The following SUGCT variants were observed in gnomAD, a reference collection of about 807,000 sequenced individuals.
SUGCT encodes the protein succinyl-CoA:glutarate CoA-transferase.
In SUGCT, 41 loss-of-function variants were observed where a neutral mutation model predicts 55.0. The ratio of observed to expected loss-of-function variants is 0.74; its 90% CI spans 0.58 to 0.97. SUGCT has a LOEUF of 0.97. Ranked by LOEUF, SUGCT falls within the 50% of genes least tolerant of loss-of-function variation. SUGCT has a pLI of 0.00. For synonymous variants in SUGCT, 187 were observed against 200.4 expected (o/e 0.93, Z 0.56); for missense variants, 568 against 547.8 (o/e 1.04, Z -0.37).
At chr7:40,162,975 C>T (rs974378161) in intron 1 of SUGCT, among the ~76,000 whole-genome samples, 2 of 152,166 alleles carry the variant, frequency 1.3e-5, no homozygotes, top group African/African-American at 2.4e-5. Context: ...TTAGCCCAAT[C>T]TCAGTTGCTC....
chr7:40,386,608 A>G (rs921548881), intron 9 of SUGCT, among the ~76,000 whole-genome samples: 3 of 152,164 alleles, frequency 2.0e-5, no homozygotes, highest in South Asian at 4.1e-4. Flanking sequence ...ACTTTGATTC[A>G]TTGTGACAAC....
At chr7:40,693,371 T>C (rs1784779065) in intron 12 of SUGCT, among the ~76,000 whole-genome samples, 1 of 152,226 alleles carries the variant, frequency 6.6e-6, no homozygotes, top group East Asian at 1.9e-4. Context: ...CTAGAATTAA[T>C]AGCACACTTT....
At chr7:40,955,443 T>C in the SUGCT span, among the ~76,000 whole-genome samples, 1 of 152,218 alleles carries the variant, frequency 6.6e-6, no homozygotes, top group African/African-American at 2.4e-5. Flanking sequence ...TTTTCTGTTG[T>C]TGGTGTATAG....
the SUGCT span, among the ~76,000 whole-genome samples, chr7:41,008,305 C>A: frequency 9.2e-5 from 14 of 152,312 alleles, no homozygotes; most frequent in South Asian, 2.9e-3. Flanking sequence ...CTGAACGCAG[C>A]CTTGTCTGCC....
chr7:40,654,216 CTT>C (rs1231350086), intron 12 of SUGCT, among the ~76,000 whole-genome samples: 5 of 152,110 alleles, frequency 3.3e-5, no homozygotes, highest in African/African-American at 1.2e-4. Flanking sequence ...GAGAACTAGT[CTT>C]TTGCTGTTGT....
At chr7:40,960,959 T>A in the SUGCT span, among the ~76,000 whole-genome samples, 1 of 152,222 alleles carries the variant, frequency 6.6e-6, no homozygotes, top group East Asian at 1.9e-4. Flanking sequence ...GAAAAGCATT[T>A]ACTTACCACA....
intron 9 of SUGCT, among the ~76,000 whole-genome samples, chr7:40,440,115 A>G (rs1788422772): frequency 1.4e-5 from 2 of 147,152 alleles, no homozygotes; most frequent in Non-Finnish European, 1.5e-5. Context: ...TAATAAGCAA[A>G]TGAGTCAAGT....
chr7:40,686,349 A>G (rs1247125176), intron 12 of SUGCT, among the ~76,000 whole-genome samples: 2 of 152,228 alleles, frequency 1.3e-5, no homozygotes, highest in African/African-American at 4.8e-5. Context: ...GAGAATAGTA[A>G]TGGTACTTCT....
At chr7:41,026,713 C>A in the SUGCT span, among the ~76,000 whole-genome samples, 65 of 152,290 alleles carry the variant, frequency 4.3e-4, no homozygotes, top group African/African-American at 1.5e-3. Flanking sequence ...TTCAGACTTT[C>A]ATAGAAGCTG....
chr7:40,374,920 T>C (rs915305683), intron 9 of SUGCT, among the ~76,000 whole-genome samples: 7 of 152,152 alleles, frequency 4.6e-5, no homozygotes, highest in African/African-American at 7.2e-5. Flanking sequence ...ATGGATGCTA[T>C]CTGGCCCTCT....
chr7:40,615,730 T>C (rs549116054), intron 12 of SUGCT, among the ~76,000 whole-genome samples: 2 of 152,336 alleles, frequency 1.3e-5, no homozygotes, highest in African/African-American at 4.8e-5. Context: ...AAGGATCATT[T>C]AGGAGCAAAT....
intron 1 of SUGCT, among the ~76,000 whole-genome samples, chr7:40,144,281 A>G (rs1788134905): frequency 1.3e-5 from 2 of 152,222 alleles, no homozygotes; most frequent in African/African-American, 4.8e-5. Flanking sequence ...TTTGAAGAGA[A>G]ATTGACTTGG....
At position 40,249,313 on chromosome 7, in the gene SUGCT, CTATATATA is replaced by C. The variant is rs57348487; in HGVS notation, c.576+11614_576+11621del. On this transcript the variant is annotated intron_variant, in intron 7 of 13. Transcript: ENST00000335693. ...TCTTAAAACAAAAAACACCAAAAAG[CTATATATA>C]TATATATATATATATATATATATAT... 9.8e-3 allele frequency among the ~76,000 whole-genome samples: 779 copies of C among 79,450 alleles called. 36 individuals carry two copies. Among genetic ancestry groups the C allele is most frequent in the African/African-American group, 0.035 (656 of 18,558 alleles). The allele number at this position is 79,450 out of a possible 152,430, so 52.1% of individuals were successfully genotyped here.
intron 13 of SUGCT, among the ~76,000 whole-genome samples, chr7:40,804,637 G>A (rs1404473362): frequency 6.6e-6 from 1 of 152,052 alleles, no homozygotes; most frequent in Non-Finnish European, 1.5e-5. Flanking sequence ...AATATCTTAA[G>A]TGAAAGCATC....
chr7:40,182,781 A>G (rs1785291465), intron 3 of SUGCT, among the ~76,000 whole-genome samples: 1 of 152,094 alleles, frequency 6.6e-6, no homozygotes, highest in African/African-American at 2.4e-5. Flanking sequence ...CACAGGTAAT[A>G]AGGAATATCC....
In SUGCT at chr7:40,320,470, G is replaced by A. The variant is rs146364124; in HGVS notation, c.816+3615G>A. On this transcript the variant is annotated intron_variant, in intron 9 of 13. Transcript: ENST00000335693. Reference sequence around the variant, plus strand: ...TAAAGACAGTAGGCTTTTAGAGATGGGAGAGGAGGGTGCAGAGAAAGCAGA... The same window carrying A: ...TAAAGACAGTAGGCTTTTAGAGATGAGAGAGGAGGGTGCAGAGAAAGCAGA... Among the ~76,000 whole-genome samples, 1,211 of 152,294 alleles carry A rather than the reference G, an allele frequency of 8.0e-3. 4 individuals carry two copies. Among genetic ancestry groups the A allele is most frequent in the Admixed American group, 0.016 (250 of 15,296 alleles).
rs79762191 is a variant in SUGCT at position 40,662,702 on chromosome 7, T to C, written c.1090-86732T>C. ...CTCCTCAAGAAATCTTGCATGACTA[T>C]AGAAGCTAAAGAACTTCCACTTTGC... On this transcript the variant is annotated intron_variant, in intron 12 of 13. Coordinates refer to ENST00000335693, the MANE Select transcript of SUGCT (RefSeq NM_001193313.2). Among the ~76,000 whole-genome samples, 349 of 152,354 alleles carry C rather than the reference T, an allele frequency of 2.3e-3. 3 individuals are homozygous for C. The highest frequency in any genetic ancestry group is 8.0e-3 in the African/African-American group (334 of 41,588).
chr7:40,896,227 C>A, the SUGCT span, among the ~76,000 whole-genome samples: 4 of 151,794 alleles, frequency 2.6e-5, no homozygotes, highest in Non-Finnish European at 5.9e-5. Flanking sequence ...AATAAGAAAA[C>A]AATCCCATTT....
chr7:40,353,776 A>C (rs1362200089), intron 9 of SUGCT, among the ~76,000 whole-genome samples: 1 of 152,128 alleles, frequency 6.6e-6, no homozygotes, highest in Non-Finnish European at 1.5e-5. Context: ...ATCAACATCA[A>C]ACTTAAATGT....
Sources: allele counts gnomAD v4.1 joint callset (sites outside exome capture counted in the v4.1 genomes callset), GRCh38; gene constraint gnomAD v4.1.1; transcripts MANE v1.5; gene names NCBI Gene and HGNC (gene_info 2026-07-23, HGNC 2026-07-21).